DLC1: variants seen among roughly 807,000 people sequenced by gnomAD.
DLC1 encodes the protein DLC1 Rho GTPase activating protein.
A neutral mutation model predicts 140.3 loss-of-function variants in DLC1; 54 were observed. That is an observed-to-expected ratio of 0.38 (90% CI 0.31 to 0.48). DLC1 has a LOEUF of 0.48. Among genes scored for constraint, DLC1 ranks in the 20% least tolerant of loss-of-function variants. The pLI is 0.96. For synonymous variants in DLC1, 986 were observed against 728.1 expected, an observed-to-expected ratio of 1.35 and a Z score of -5.70; for missense variants, 2,536 against 1,907.0, an observed-to-expected ratio of 1.33 and a Z score of -6.14.
intron 5 of DLC1, among the ~76,000 whole-genome samples, chr8:13,122,765 G>A (rs991636491): frequency 6.8e-6 from 1 of 146,920 alleles, no homozygotes; most frequent in East Asian, 2.0e-4. Flanking sequence ...GCCCTCAGGT[G>A]CCTAAAAAAA....
Position 13,198,105 on chromosome 8 carries a change from G to GA in DLC1, c.1349-82449dup, listed in dbSNP as rs1019341965. ...GTCTCAAAAAAAACAAACGAAAAAG[G>GA]AAAAAAAAAAATTAAGTCAATTTTA... On this transcript the variant is annotated intron_variant, in intron 5 of 17. Coordinates refer to ENST00000276297, the MANE Select transcript of DLC1 (RefSeq NM_182643.3). Among the ~76,000 whole-genome samples the GA allele has an allele frequency of 9.5e-3, 1,400 of 146,898 alleles. 19 individuals carry two copies. The highest frequency in any genetic ancestry group is 0.032 in the African/African-American group (1,295 of 40,240).
intron 2 of DLC1, among the ~76,000 whole-genome samples, chr8:13,437,260 T>C (rs1839161539): frequency 6.6e-6 from 1 of 152,182 alleles, no homozygotes; most frequent in Non-Finnish European, 1.5e-5. Flanking sequence ...GGGAAGGAGA[T>C]GATGGGACAG....
At chr8:13,296,862 G>C (rs1179165064) in intron 5 of DLC1, among the ~76,000 whole-genome samples, 1 of 151,742 alleles carries the variant, frequency 6.6e-6, no homozygotes, top group East Asian at 1.9e-4. Flanking sequence ...AATGTGGGAG[G>C]AAACATTTGA....
Position 13,100,593 on chromosome 8 carries a change from G to A in DLC1, c.1744C>T (p.Leu582=). The A allele has an allele frequency of 6.2e-7, 1 of 1,613,990 alleles. No individual in the cohort carries two copies. The highest frequency in any genetic ancestry group is 8.5e-7 in the Non-Finnish European group (1 of 1,179,964). ...TCCTGGCGCTCGCTGAGGTCCATCAGCGTGCCTCCGGGGCTGGGGCCGTCC... is the reference window on the plus strand; with the variant it reads ...TCCTGGCGCTCGCTGAGGTCCATCAACGTGCCTCCGGGGCTGGGGCCGTCC... ...PKDGPSPGGT[L]MDLSERQEVS... The change falls in exon 9 of 18, where the codon CTG becomes TTG. Residue 582 remains leucine (L), a synonymous_variant. Coordinates refer to ENST00000276297, the MANE Select transcript of DLC1 (RefSeq NM_182643.3).
At chr8:13,161,140 T>C (rs1035599110) in intron 5 of DLC1, among the ~76,000 whole-genome samples, 2 of 152,094 alleles carry the variant, frequency 1.3e-5, no homozygotes, top group South Asian at 2.1e-4. Flanking sequence ...ATCCCATAGG[T>C]AACCTAATCT....
intron 5 of DLC1, among the ~76,000 whole-genome samples, chr8:13,156,800 C>G (rs1824291118): frequency 6.6e-6 from 1 of 152,204 alleles, no homozygotes; most frequent in African/African-American, 2.4e-5. Context: ...CTAATAACTA[C>G]TAGATTTATC....
At chr8:13,455,740 G>A (rs566955792) in intron 2 of DLC1, among the ~76,000 whole-genome samples, 2 of 152,264 alleles carry the variant, frequency 1.3e-5, no homozygotes, top group East Asian at 1.9e-4. Flanking sequence ...GATAGGCAAG[G>A]TGGCTCATGC....
intron 1 of DLC1, among the ~76,000 whole-genome samples, chr8:13,502,948 G>A (rs72603985): frequency 6.6e-6 from 1 of 152,118 alleles, no homozygotes; most frequent in Non-Finnish European, 1.5e-5. Context: ...CATCACAAGA[G>A]ACTGTATGTA....
At chr8:13,164,051 CT>C (rs1824919052) in intron 5 of DLC1, among the ~76,000 whole-genome samples, 1 of 152,024 alleles carries the variant, frequency 6.6e-6, no homozygotes, top group Non-Finnish European at 1.5e-5. Flanking sequence ...AATCCCAGCG[CT>C]TTGGGAGGCC....
chr8:13,531,321 C>G (rs573483010), intron 1 of DLC1, among the ~76,000 whole-genome samples: 1 of 152,322 alleles, frequency 6.6e-6, no homozygotes, highest in African/African-American at 2.4e-5. Flanking sequence ...CACGGTGGCT[C>G]ATGCCTGTAA....
At chr8:13,376,183 C>T (rs972683710) in intron 4 of DLC1, among the ~76,000 whole-genome samples, 13 of 152,238 alleles carry the variant, frequency 8.5e-5, no homozygotes, top group African/African-American at 3.1e-4. Context: ...TGTATTGGCT[C>T]CCATTTTCTC....
chr8:13,496,460 T>A (rs1024551132), intron 2 of DLC1, among the ~76,000 whole-genome samples: 6 of 152,184 alleles, frequency 3.9e-5, no homozygotes, highest in African/African-American at 1.4e-4. Context: ...CCTGTTCTTT[T>A]AATTCCACTC....
At chr8:13,133,180 G>T (rs912188119) in intron 5 of DLC1, 53 of 1,431,872 alleles carry the variant, frequency 3.7e-5, no homozygotes, top group Non-Finnish European at 4.6e-5. Context: ...ACGAGGGAGC[G>T]CTCAGGGAGT....
intron 4 of DLC1, among the ~76,000 whole-genome samples, chr8:13,378,806 G>C (rs1836114940): frequency 6.6e-6 from 1 of 152,198 alleles, no homozygotes; most frequent in South Asian, 2.1e-4. Context: ...TATAGTTCAT[G>C]TCCTAGTAAT....
chr8:13,545,395 A>G (rs976296085), intron 1 of DLC1, among the ~76,000 whole-genome samples: 1 of 151,900 alleles, frequency 6.6e-6, no homozygotes, highest in Non-Finnish European at 1.5e-5. Flanking sequence ...AATGTCAGGC[A>G]GGAAAACTTA....
In DLC1 at chr8:13,100,786, G is replaced by A. The variant is rs1341285852; in HGVS notation, c.1567-16C>T. 10 of 1,544,016 alleles carry A rather than the reference G, an allele frequency of 6.5e-6. No individual in the cohort carries two copies. The highest frequency in any genetic ancestry group is 7.8e-6 in the Non-Finnish European group (9 of 1,147,312). ...AATCGTCACTCTGCAAAGACAGAAA[G>A]GAGCCATTCACACACTGGGGCTGGC... On this transcript the variant is annotated splice_polypyrimidine_tract_variant and intron_variant, in intron 8 of 17. Transcript: ENST00000276297.
intron 4 of DLC1, among the ~76,000 whole-genome samples, chr8:13,370,423 C>T (rs548670612): frequency 6.6e-6 from 1 of 152,070 alleles, no homozygotes; most frequent in African/African-American, 2.4e-5. Flanking sequence ...GTGTTTTATT[C>T]TTGCCACTTG....
intron 8 of DLC1, among the ~76,000 whole-genome samples, chr8:13,101,202 T>G (rs1342862203): frequency 1.3e-5 from 2 of 152,218 alleles, no homozygotes; most frequent in African/African-American, 4.8e-5. Context: ...TGAGCCACAG[T>G]GCCCGGTGTT....
chr8:13,115,164 T>C (rs1031167899), intron 6 of DLC1, among the ~76,000 whole-genome samples: 6 of 152,128 alleles, frequency 3.9e-5, no homozygotes, highest in Admixed American at 1.3e-4. Context: ...AGCAAATGCA[T>C]AACAGGCCCA....
Sources: gnomAD v4.1 joint callset for allele counts (sites outside exome capture counted in the v4.1 genomes callset) on GRCh38, gnomAD v4.1.1 for gene constraint, MANE v1.5 for transcripts, NCBI Gene and HGNC (gene_info 2026-07-23, HGNC 2026-07-21) for gene names.